CDH23: variants seen among roughly 807,000 people sequenced by gnomAD.
CDH23 encodes cadherin related 23, also known as cadherin-23.
A neutral mutation model predicts 317.1 loss-of-function variants in CDH23; 189 were observed. The observed-to-expected ratio is 0.60, with a 90% confidence interval of 0.53 to 0.67. The LOEUF is 0.67. Ranked by LOEUF, CDH23 falls within the 30% of genes least tolerant of loss-of-function variation. The pLI, the probability that CDH23 is intolerant of heterozygous loss-of-function variation, is 0.00. For missense variants in CDH23, 4,401 were observed against 4,592.4 expected (o/e 0.96, Z 1.20); for synonymous variants, 1,839 against 1,876.8 (o/e 0.98, Z 0.52).
At chr10:71,527,670 G>A (rs1219938778) in intron 6 of CDH23, among the ~76,000 whole-genome samples, 8 of 152,204 alleles carry the variant, frequency 5.3e-5, no homozygotes, top group Admixed American at 2.0e-4. Context: ...AGCAAGACCA[G>A]GGCACCAGGA....
chr10:71,510,879 G>T, intron 4 of CDH23, 75 bp from the exon 5 acceptor site: 2 of 1,451,046 alleles, frequency 1.4e-6, no homozygotes, highest in South Asian at 2.3e-5. Flanking sequence ...AGCCCCTCCC[G>T]CCCCATTTAG....
chr10:71,596,206 G>T (rs1471728861), intron 9 of CDH23, among the ~76,000 whole-genome samples: 2 of 152,080 alleles, frequency 1.3e-5, no homozygotes, highest in Admixed American at 6.5e-5. Flanking sequence ...TAGGATGTCG[G>T]TGGGATCCCA....
intron 1 of CDH23, among the ~76,000 whole-genome samples, chr10:71,398,632 AG>A (rs1420348353): frequency 6.6e-6 from 1 of 152,076 alleles, no homozygotes; most frequent in Non-Finnish European, 1.5e-5. Flanking sequence ...TTCGTGGTGC[AG>A]GGGTAGGCGC....
chr10:71,506,687 TAG>T (rs1037989155), intron 3 of CDH23, among the ~76,000 whole-genome samples: 22 of 152,016 alleles, frequency 1.4e-4, no homozygotes, highest in African/African-American at 5.3e-4. Context: ...CCAGCTTCTG[TAG>T]AGAGGCAGAG....
chr10:71,592,861 A>G (rs574446879), intron 9 of CDH23, among the ~76,000 whole-genome samples: 168 of 152,286 alleles, frequency 1.1e-3, no homozygotes, highest in African/African-American at 3.8e-3. Context: ...CACCTGGGCC[A>G]TGATGTCTAC....
At chr10:71,799,766 C>T in intron 52 of CDH23, 137 bp downstream of exon 52, 1 of 1,155,198 alleles carries the variant, frequency 8.7e-7, no homozygotes. Context: ...GTTCTTTAGC[C>T]AAGTCAGCAA....
At chr10:71,517,374 T>C (rs923017833) in intron 6 of CDH23, among the ~76,000 whole-genome samples, 2 of 152,118 alleles carry the variant, frequency 1.3e-5, no homozygotes, top group Non-Finnish European at 2.9e-5. Context: ...TGCTTTGGCA[T>C]GTGAGGAGCC....
chr10:71,493,777 G>A (rs1273682005), intron 3 of CDH23, among the ~76,000 whole-genome samples: 1 of 152,200 alleles, frequency 6.6e-6, no homozygotes, highest in African/African-American at 2.4e-5. Flanking sequence ...CAGAGCACCC[G>A]TTAGCCTGCC....
chr10:71,532,739 T>G (rs1461943726), intron 6 of CDH23, among the ~76,000 whole-genome samples: 19 of 110,414 alleles, frequency 1.7e-4, no homozygotes, highest in East Asian at 3.7e-4. Context: ...TTTTTTTTTT[T>G]TTTTTTTTGA....
At chr10:71,652,232 C>A (rs1863210152) in intron 14 of CDH23, among the ~76,000 whole-genome samples, 8 of 152,228 alleles carry the variant, frequency 5.3e-5, no homozygotes, top group Admixed American at 5.2e-4. Context: ...GCTCCTCTCT[C>A]ATCTCCCTGC....
intron 20 of CDH23, among the ~76,000 whole-genome samples, chr10:71,691,754 T>C (rs1227082): frequency 0.5 from 75,615 of 151,948 alleles, 19,086 homozygotes; most frequent in South Asian, 0.66. Flanking sequence ...AGCAGGAATC[T>C]TTGGTGGACA....
At chr10:71,548,590 C>A (rs1470119083) in intron 6 of CDH23, among the ~76,000 whole-genome samples, 1 of 152,200 alleles carries the variant, frequency 6.6e-6, no homozygotes, top group African/African-American at 2.4e-5. Context: ...CCCTGCAGGT[C>A]TCTGGGTGTG....
intron 29 of CDH23, 28 bp from the exon 30 acceptor site, chr10:71,725,344 G>A: frequency 6.2e-7 from 1 of 1,613,906 alleles, no homozygotes; most frequent in Admixed American, 1.7e-5. Flanking sequence ...CAGGGCCGGT[G>A]TTCCAGGGGG....
intron 3 of CDH23, among the ~76,000 whole-genome samples, chr10:71,477,099 G>A (rs1303840736): frequency 2.0e-5 from 3 of 152,170 alleles, no homozygotes; most frequent in Non-Finnish European, 4.4e-5. Context: ...GAGAAACCAG[G>A]GACGCTCCTG....
chr10:71,674,943 C>T (rs568942586), intron 14 of CDH23, among the ~76,000 whole-genome samples, 169 bp from the exon 15 acceptor site: 6 of 152,310 alleles, frequency 3.9e-5, no homozygotes, highest in South Asian at 4.1e-4. Flanking sequence ...GCTTCTGACC[C>T]GCTCCTAACC....
chr10:71,508,494 A>G (rs75971287), intron 3 of CDH23, among the ~76,000 whole-genome samples: 2,509 of 152,336 alleles, frequency 0.016, 58 homozygotes, highest in African/African-American at 0.053. Context: ...GAATTAGTGC[A>G]TGGAAATAGC....
chr10:71,561,631 C>T (rs541364001), intron 6 of CDH23, among the ~76,000 whole-genome samples: 10 of 152,248 alleles, frequency 6.6e-5, no homozygotes, highest in African/African-American at 2.4e-4. Flanking sequence ...ACAGCAGGTC[C>T]ATCAGAAGTG....
intron 28 of CDH23, 150 bp from the exon 29 acceptor site, chr10:71,723,895 T>C (rs1402662950): frequency 1.3e-5 from 11 of 840,222 alleles, no homozygotes; most frequent in Admixed American, 6.0e-5. Flanking sequence ...ACACGTCCCC[T>C]TGTCTCCCAC....
At chr10:71,508,982 T>C (rs1853801268) in intron 3 of CDH23, among the ~76,000 whole-genome samples, 1 of 152,196 alleles carries the variant, frequency 6.6e-6, no homozygotes. Context: ...ACCTGAAAGC[T>C]ACACAGGGGA....
Sources: gnomAD v4.1 joint callset for allele counts (sites outside exome capture counted in the v4.1 genomes callset) on GRCh38, gnomAD v4.1.1 for gene constraint, MANE v1.5 for transcripts, NCBI Gene and HGNC (gene_info 2026-07-23, HGNC 2026-07-21) for gene names.